Variants in SIRT5 observed in about 807,000 individuals in gnomAD.
The protein encoded by SIRT5 is sirtuin 5.
In SIRT5, 26 loss-of-function variants were observed where a neutral mutation model predicts 40.0. That is an observed-to-expected ratio of 0.65 (90% CI 0.48 to 0.90). The LOEUF (loss-of-function observed/expected upper bound fraction) is 0.90. Ranked by LOEUF, SIRT5 falls within the 40% of genes least tolerant of loss-of-function variation. The probability of loss-of-function intolerance (pLI) is 0.00; values close to 1 mark genes in which losing one functional copy is unlikely to be tolerated. For synonymous variants in SIRT5, 146 were observed against 149.1 expected (o/e 0.98, Z 0.15); for missense variants, 401 against 402.4 (o/e 1.00, Z 0.03).
chr6:13,601,732 C>T (rs544879908), intron 9 of SIRT5, among the ~76,000 whole-genome samples: 26 of 152,010 alleles, frequency 1.7e-4, no homozygotes, highest in African/African-American at 6.3e-4. Context: ...ATTTCGATGT[C>T]ATTGCTCTGA....
intron 4 of SIRT5, among the ~76,000 whole-genome samples, chr6:13,590,288 C>T (rs530411774): frequency 2.6e-5 from 4 of 152,164 alleles, no homozygotes; most frequent in Non-Finnish European, 4.4e-5. Flanking sequence ...TGTGCCTTTC[C>T]CTGCCAGCTC....
At chr6:13,589,566 T>G (rs1760549390) in intron 4 of SIRT5, 1 of 152,252 alleles carries the variant, frequency 6.6e-6, no homozygotes, top group Non-Finnish European at 1.5e-5. Flanking sequence ...GGTTAGTAGC[T>G]CATTTCTCAT....
Position 13,599,077 on chromosome 6 carries a change from G to A in SIRT5, c.663G>A (p.Val221=), listed in dbSNP as rs775810740. 2.5e-6 allele frequency: 4 copies of A among 1,614,118 alleles called. No individual in the cohort carries two copies. In the Admixed American group the frequency reaches 6.7e-5, roughly 27 times the overall value. ...GGGGCTTGCTGCGACCTCACGTCGTGTGGTTTGGAGAAAACCTGGATCCTG... is the reference window on the plus strand; with the variant it reads ...GGGGCTTGCTGCGACCTCACGTCGTATGGTTTGGAGAAAACCTGGATCCTG... The part of the protein sequence containing the change: ...GCGGLLRPHV[V]WFGENLDPAI... Residue 221 remains valine (V), a synonymous_variant, in exon 8 of 10, where the codon GTG becomes GTA. Coordinates refer to ENST00000606117, the MANE Select transcript of SIRT5 (RefSeq NM_012241.5).
chr6:13,591,594 A>C (rs1760904446), intron 4 of SIRT5, 75 bp from the exon 5 acceptor site: 1 of 1,257,448 alleles, frequency 8.0e-7, no homozygotes, highest in Non-Finnish European at 1.1e-6. Context: ...CTTAGGGAGG[A>C]AGGGCCTGTG....
In SIRT5 at chr6:13,611,783, C is replaced by T. The variant is rs773877276; in HGVS notation, c.858-7C>T. 1 of 1,607,774 alleles carries T rather than the reference C, an allele frequency of 6.2e-7. No homozygotes were observed. The highest frequency in any genetic ancestry group is 2.2e-5 in the East Asian group (1 of 44,838). On this transcript the variant is annotated splice_region_variant and splice_polypyrimidine_tract_variant and intron_variant, in intron 9 of 9. Transcript: ENST00000606117. ...CAAAACTGCTGTATTTGCTTCTTCTCTTTCAGGTTTCATTTCCAGGGACCC... is the reference window on the plus strand; with the variant it reads ...CAAAACTGCTGTATTTGCTTCTTCTTTTTCAGGTTTCATTTCCAGGGACCC...
chr6:13,579,285 C>G (rs1759037170), intron 1 of SIRT5, among the ~76,000 whole-genome samples, 166 bp from the exon 2 acceptor site: 1 of 152,102 alleles, frequency 6.6e-6, no homozygotes, highest in Non-Finnish European at 1.5e-5. Context: ...CAAATAAAGA[C>G]TAAGAAAATA....
At chr6:13,589,919 G>A (rs371588261) in intron 4 of SIRT5, among the ~76,000 whole-genome samples, 5 of 152,288 alleles carry the variant, frequency 3.3e-5, no homozygotes, top group Non-Finnish European at 5.9e-5. Context: ...TTCCAGGGAC[G>A]CCTGTGGACA....
chr6:13,595,829 A>G (rs887700455), intron 6 of SIRT5, among the ~76,000 whole-genome samples: 3 of 152,008 alleles, frequency 2.0e-5, no homozygotes, highest in African/African-American at 7.2e-5. Flanking sequence ...AAACAAAACA[A>G]AAAACCACAA....
At chr6:13,589,031 C>T (rs1760450201) in intron 4 of SIRT5, 1 of 152,594 alleles carries the variant, frequency 6.6e-6, no homozygotes, top group Non-Finnish European at 1.5e-5. Flanking sequence ...GCACCATAAT[C>T]ACAATATGGA....
chr6:13,594,136 C>A (rs1046887636), intron 5 of SIRT5, among the ~76,000 whole-genome samples: 1 of 152,122 alleles, frequency 6.6e-6, no homozygotes, highest in Non-Finnish European at 1.5e-5. Flanking sequence ...GGTTTGTTGG[C>A]GGAAGGATCC....
At chr6:13,605,395 C>T in intron 9 of SIRT5, 1 of 985,228 alleles carries the variant, frequency 1.0e-6, no homozygotes, top group East Asian at 1.1e-4. Context: ...AACCCCTGCT[C>T]TAGGTTACGG....
At chr6:13,586,318 C>G (rs1172912324) in intron 3 of SIRT5, among the ~76,000 whole-genome samples, 2 of 152,144 alleles carry the variant, frequency 1.3e-5, no homozygotes, top group African/African-American at 4.8e-5. Flanking sequence ...AGTCCTTGCC[C>G]ATGCCTATGT....
At chr6:13,576,228 ATACTG>A (rs143255296) in intron 1 of SIRT5, among the ~76,000 whole-genome samples, 8 of 152,338 alleles carry the variant, frequency 5.3e-5, no homozygotes, top group African/African-American at 1.9e-4. Flanking sequence ...AGGAGCCTCC[ATACTG>A]TTTTCCAAAA....
chr6:13,593,808 A>C (rs937175146), intron 5 of SIRT5, among the ~76,000 whole-genome samples: 25 of 152,272 alleles, frequency 1.6e-4, no homozygotes, highest in African/African-American at 5.5e-4. Context: ...ATATCTTTCC[A>C]GGCATACATA....
chr6:13,595,654 TC>T, intron 6 of SIRT5, 90 bp downstream of exon 6: 2 of 1,003,536 alleles, frequency 2.0e-6, no homozygotes, highest in Non-Finnish European at 3.2e-6. Flanking sequence ...CATCAAAGAT[TC>T]CCATGGATAT....
Position 13,578,573 on chromosome 6 carries a change from C to T in SIRT5, c.-194-878C>T, listed in dbSNP as rs575422484. 1.9e-3 allele frequency among the ~76,000 whole-genome samples: 272 copies of T among 144,654 alleles called. 4 individuals are homozygous for T. The highest frequency in any genetic ancestry group is 0.016 in the Admixed American group (228 of 14,010). 94.9% of individuals were successfully genotyped at this position (144,654 alleles called of 152,430 possible). On this transcript the variant is annotated intron_variant, in intron 1 of 9. Transcript: ENST00000606117. ...TGGAGCTTGCAGTAAGTGGAGACGG[C>T]GCCACTGCACTGCAGCTGGGGGGAC...
chr6:13,611,205 G>GTATATATATA (rs1307103122), intron 9 of SIRT5, among the ~76,000 whole-genome samples: 70 of 107,000 alleles, frequency 6.5e-4, no homozygotes, highest in Admixed American at 1.3e-3. Context: ...ATGTGTGTGT[G>GTATATATATA]TGTATATATA....
At position 13,607,557 on chromosome 6, in the gene SIRT5, C is replaced by T. The variant is rs1203939697; in HGVS notation, c.858-4233C>T. 6.6e-6 allele frequency among the ~76,000 whole-genome samples: 1 copy of T among 152,188 alleles called. No homozygotes were observed. The highest frequency in any genetic ancestry group is 1.5e-5 in the Non-Finnish European group (1 of 68,032). On this transcript the variant is annotated intron_variant, in intron 9 of 9. Transcript: ENST00000606117. This position sits in a 1 kb window ranked among gnomAD's most constrained non-coding sequence, Gnocchi z 4.0. ...CATTAACCAATGCAAGTGGCGTGAG[C>T]AGATGTGCAGCTAACACTGTAGTCG...
intron 1 of SIRT5, among the ~76,000 whole-genome samples, chr6:13,578,137 C>T (rs550885109): frequency 6.6e-6 from 1 of 152,290 alleles, no homozygotes; most frequent in South Asian, 2.1e-4. Context: ...GCCATCTTTG[C>T]ATTCCAGGGA....
Sources: gnomAD v4.1 joint callset for allele counts (sites outside exome capture counted in the v4.1 genomes callset) on GRCh38, gnomAD v4.1.1 for gene constraint, Gnocchi (gnomAD v3.1) non-coding constraint, MANE v1.5 for transcripts, NCBI Gene and HGNC (gene_info 2026-07-23, HGNC 2026-07-21) for gene names.